ATP13A4: variants seen among roughly 807,000 people sequenced by gnomAD.
The protein encoded by ATP13A4 is probable cation-transporting ATPase 13A4.
A neutral mutation model predicts 142.5 loss-of-function variants in ATP13A4; 114 were observed. The observed-to-expected ratio is 0.80, with a 90% CI of 0.69 to 0.93. The LOEUF (loss-of-function observed/expected upper bound fraction) is 0.93, where lower values mean the gene tolerates loss of function less well. Among genes scored for constraint, ATP13A4 ranks in the 40% least tolerant of loss-of-function variants. The probability of loss-of-function intolerance (pLI) is 0.00; values close to 1 mark genes in which losing one functional copy is unlikely to be tolerated. For missense variants in ATP13A4, 1,392 were observed against 1,454.0 expected (o/e 0.96, Z 0.69); for synonymous variants, 488 against 514.8 (o/e 0.95, Z 0.70).
In ATP13A4 at chr3:193,463,250, T is replaced by C. The variant is rs923118853; in HGVS notation, c.1462-427A>G. On this transcript the variant is annotated intron_variant, in intron 12 of 29. Transcript: ENST00000342695. Reference sequence around the variant, plus strand: ...GTATCTTCCTCACAACTTCAGAGGATTGTTTTGAGGATCTAATGGTAGACT... The same window carrying C: ...GTATCTTCCTCACAACTTCAGAGGACTGTTTTGAGGATCTAATGGTAGACT... 1.3e-4 allele frequency among the ~76,000 whole-genome samples: 19 copies of C among 151,956 alleles called. No homozygotes were observed. In the South Asian group the frequency reaches 3.9e-3, roughly 32 times the overall value.
chr3:193,483,029 T>G (rs942868245), intron 8 of ATP13A4, among the ~76,000 whole-genome samples: 4 of 152,150 alleles, frequency 2.6e-5, no homozygotes, highest in African/African-American at 9.7e-5. Context: ...AACTAGTATG[T>G]CTATACACTG....
At chr3:193,509,028 C>G (rs1721000391) in intron 2 of ATP13A4, among the ~76,000 whole-genome samples, 1 of 150,316 alleles carries the variant, frequency 6.7e-6, no homozygotes, top group South Asian at 2.1e-4. Context: ...GAATAGAAAG[C>G]TTATAATTTT....
chr3:193,423,766 C>G (rs542519106), intron 25 of ATP13A4, among the ~76,000 whole-genome samples: 2 of 149,330 alleles, frequency 1.3e-5, no homozygotes, highest in African/African-American at 4.9e-5. Context: ...AAATCTGGAA[C>G]AAGAAAAGGA....
chr3:193,482,824 C>T (rs577329142), intron 8 of ATP13A4, among the ~76,000 whole-genome samples: 1 of 152,286 alleles, frequency 6.6e-6, no homozygotes, highest in East Asian at 1.9e-4. Context: ...TGCGTTGGAC[C>T]AAAGATTGGC....
At chr3:193,570,918 G>A (rs1376401662) in intron 2 of ATP13A4, among the ~76,000 whole-genome samples, 1 of 152,072 alleles carries the variant, frequency 6.6e-6, no homozygotes, top group African/African-American at 2.4e-5. Context: ...CCCAATAATT[G>A]GTAGCTATTA....
At chr3:193,471,592 A>AG (rs1224487390) in intron 8 of ATP13A4, among the ~76,000 whole-genome samples, 1 of 152,050 alleles carries the variant, frequency 6.6e-6, no homozygotes, top group Non-Finnish European at 1.5e-5. Context: ...AAAAAAAAAA[A>AG]AATCCTAATA....
At position 193,548,245 on chromosome 3, in the gene ATP13A4, T is replaced by G. The variant is rs76966819; in HGVS notation, c.60+6495A>C. ...ACTTTTGAGCTCTGCTGCATCCCTG[T>G]TCTCAGAATGCAAAATTGCAGTTAA... On this transcript the variant is annotated intron_variant, in intron 1 of 29. Coordinates refer to ENST00000342695, the MANE Select transcript of ATP13A4 (RefSeq NM_032279.4). 5.4e-3 allele frequency among the ~76,000 whole-genome samples: 825 copies of G among 152,282 alleles called. 14 individuals carry two copies. The East Asian group carries it at 0.069, about 13-fold the overall frequency.
chr3:193,491,526 T>C (rs1355056851), intron 5 of ATP13A4, 128 bp from the exon 6 acceptor site: 1 of 741,208 alleles, frequency 1.3e-6, no homozygotes, highest in African/African-American at 1.7e-5. Context: ...GTCTCCCTTG[T>C]TAAATACCAT....
Position 193,454,308 on chromosome 3 carries a change from A to T in ATP13A4, c.1916-96T>A, listed in dbSNP as rs1717452011. 3.5e-6 allele frequency: 3 copies of T among 865,926 alleles called. 1 individual carries two copies. The highest frequency in any genetic ancestry group is 3.9e-5 in the Admixed American group (2 of 51,834). The allele number at this position is 865,926 out of a possible 1,614,324, so 53.6% of individuals were successfully genotyped here. On this transcript the variant is annotated intron_variant, in intron 16 of 29. Coordinates refer to ENST00000342695, the MANE Select transcript of ATP13A4 (RefSeq NM_032279.4). ...CAAACATCCAACTTTTGCCCAAGAAAACACACTTCTACAAAGATATGTAAA... is the reference window on the plus strand; with the variant it reads ...CAAACATCCAACTTTTGCCCAAGAATACACACTTCTACAAAGATATGTAAA...
chr3:193,590,187 TC>T (rs1724736853), intron 1 of ATP13A4, among the ~76,000 whole-genome samples: 1 of 152,192 alleles, frequency 6.6e-6, no homozygotes. Flanking sequence ...AAATCAATCT[TC>T]CTGAAGGCTC....
chr3:193,571,031 A>G (rs898016464), intron 2 of ATP13A4, among the ~76,000 whole-genome samples: 1 of 152,300 alleles, frequency 6.6e-6, no homozygotes, highest in Non-Finnish European at 1.5e-5. Context: ...TAATCCCAGC[A>G]CTTTGGGAAG....
rs1441076034 is a variant in ATP13A4, at chr3:193,400,331, C to T, written c.*2321G>A. On this transcript the variant is annotated 3_prime_UTR_variant, in exon 30 of 30. Coordinates refer to ENST00000342695, the MANE Select transcript of ATP13A4 (RefSeq NM_032279.4). ...GGACTAGATTCTTTTCTTCCTGTTC[C>T]CTGCCAGCCTTTGCTAGTGATAGAA... 6.6e-6 allele frequency among the ~76,000 whole-genome samples: 1 copy of T among 152,226 alleles called. No homozygotes were observed. The highest frequency in any genetic ancestry group is 2.4e-5 in the African/African-American group (1 of 41,448).
At chr3:193,474,668 A>G (rs1220475063) in intron 8 of ATP13A4, among the ~76,000 whole-genome samples, 1 of 148,142 alleles carries the variant, frequency 6.8e-6, no homozygotes, top group South Asian at 2.2e-4. Flanking sequence ...AGAAAGAAAG[A>G]AAAAGAAAGA....
intron 16 of ATP13A4, among the ~76,000 whole-genome samples, chr3:193,455,218 G>A (rs927815425): frequency 7.2e-5 from 11 of 151,854 alleles, no homozygotes; most frequent in Admixed American, 1.3e-4. Context: ...GCGGGAGCCC[G>A]TAGTCCCAAC....
chr3:193,511,441 C>T (rs369609840), intron 2 of ATP13A4, among the ~76,000 whole-genome samples: 26 of 152,234 alleles, frequency 1.7e-4, no homozygotes, highest in African/African-American at 5.5e-4. Context: ...CCCTCGTGTC[C>T]GTTGTCCCAG....
In ATP13A4 at chr3:193,444,977, C is replaced by T. The variant is rs144269013; in HGVS notation, c.2153-2421G>A. Among the ~76,000 whole-genome samples the T allele has an allele frequency of 5.8e-3, 881 of 152,288 alleles. 10 individuals are homozygous for T. The highest frequency in any genetic ancestry group is 0.02 in the African/African-American group (833 of 41,554). The stretch of plus-strand genomic sequence containing the variant: ...TACCACCTGTCAGAGATCCAGTGTT[C>T]GGGATAAACAGCCCAGGCCTGAGCT... On this transcript the variant is annotated intron_variant, in intron 18 of 29. Coordinates refer to ENST00000342695, the MANE Select transcript of ATP13A4 (RefSeq NM_032279.4).
chr3:193,582,656 CATTATATATGTATATTACATATAT>C lies in ATP13A4; in HGVS notation n.92-774_92-751del, dbSNP rs1222695813. Among the ~76,000 whole-genome samples the C allele has an allele frequency of 6.0e-4, 22 of 36,756 alleles. 5 individuals are homozygous for C. Among genetic ancestry groups the C allele is most frequent in the African/African-American group, 3.3e-3 (18 of 5,432 alleles). The allele number at this position is 36,756 out of a possible 152,430, so 24.1% of individuals were successfully genotyped here. ...ATACATTATATATGTATATTACATA[CATTATATATGTATATTACATATAT>C]ATTATATATGTGTATAACATATATA... On this transcript the variant is annotated intron_variant and non_coding_transcript_variant, in intron 1 of 3. Coordinates refer to the ATP13A4 transcript ENST00000489140.
At chr3:193,511,293 C>G (rs1001131194) in intron 2 of ATP13A4, among the ~76,000 whole-genome samples, 5 of 152,190 alleles carry the variant, frequency 3.3e-5, no homozygotes, top group African/African-American at 1.2e-4. Context: ...GATGATGGAA[C>G]GAAGCTCCCA....
At position 193,478,812 on chromosome 3, in the gene ATP13A4, C is replaced by CA. The variant is rs576807701; in HGVS notation, c.808+5123dup. ...ATACCAAAACCAGGGAACGACATAA[C>CA]AAAAAAAGAAAACCACAGACCAATG... On this transcript the variant is annotated intron_variant, in intron 8 of 29. Transcript: ENST00000342695. Among the ~76,000 whole-genome samples, 166 of 142,532 alleles carry CA rather than the reference C, an allele frequency of 1.2e-3. 3 individuals are homozygous for CA. Among genetic ancestry groups the CA allele is most frequent in the South Asian group, 9.7e-3 (42 of 4,320 alleles). 93.5% of individuals were successfully genotyped at this position (142,532 alleles called of 152,430 possible).
Sources: allele counts gnomAD v4.1 joint callset (sites outside exome capture counted in the v4.1 genomes callset), GRCh38; gene constraint gnomAD v4.1.1; transcripts MANE v1.5; gene names NCBI Gene and HGNC (gene_info 2026-07-23, HGNC 2026-07-21).